DEPDC5: variants seen among roughly 807,000 people sequenced by gnomAD.
The protein encoded by DEPDC5 is GATOR1 complex protein DEPDC5.
A neutral mutation model predicts 217.3 loss-of-function variants in DEPDC5; 73 were observed. The observed-to-expected ratio is 0.34, with a 90% CI of 0.28 to 0.41. The LOEUF (loss-of-function observed/expected upper bound fraction) is 0.41, where lower values mean the gene tolerates loss of function less well. Among genes scored for constraint, DEPDC5 ranks in the 10% least tolerant of loss-of-function variants. The probability of loss-of-function intolerance (pLI) is 1.00; values close to 1 mark genes in which losing one functional copy is unlikely to be tolerated. For synonymous variants in DEPDC5, 733 were observed against 756.7 expected (o/e 0.97, Z 0.51); for missense variants, 1,675 against 2,070.1 (o/e 0.81, Z 3.70).
At chr22:31,850,719 C>T (rs2149066725) in intron 31 of DEPDC5, among the ~76,000 whole-genome samples, 1 of 152,196 alleles carries the variant, frequency 6.6e-6, no homozygotes, top group Admixed American at 6.5e-5. Context: ...CGAGACCAGC[C>T]TGGGCAACAT....
At chr22:31,872,620 A>C (rs1170017200) in intron 34 of DEPDC5, among the ~76,000 whole-genome samples, 1 of 152,338 alleles carries the variant, frequency 6.6e-6, no homozygotes, top group East Asian at 1.9e-4. Flanking sequence ...AGAGCAGTCC[A>C]GGGGGTTTCT....
Position 31,845,032 on chromosome 22 carries a change from T to C in DEPDC5, c.2816T>C (p.Leu939Pro), listed in dbSNP as rs1312159135. Residue 939 changes from leucine (L) to proline (P), a missense_variant, in exon 30 of 43, where the codon CTG (leucine) becomes CCG (proline). Coordinates refer to ENST00000651528, the MANE Select transcript of DEPDC5 (RefSeq NM_001242896.3). ...GSEDFSLIES[L>P]KFWRTRFLLL... ...TGCCCCCTTAGCTTAATTGAGTCCC[T>C]GAAGTTCTGGAGGACCCGCTTCCTG... 1 of 1,614,172 alleles carries C rather than the reference T, an allele frequency of 6.2e-7. No individual in the cohort carries two copies. Among genetic ancestry groups the C allele is most frequent in the Admixed American group, 1.7e-5 (1 of 60,024 alleles).
At chr22:31,861,315 T>C in intron 32 of DEPDC5, 53 bp from the exon 33 acceptor site, 1 of 1,531,464 alleles carries the variant, frequency 6.5e-7, no homozygotes, top group Non-Finnish European at 8.9e-7. Flanking sequence ...ACACATTCCG[T>C]TTCTTCGCTT....
chr22:31,774,166 A>G (rs1474962739), intron 7 of DEPDC5, among the ~76,000 whole-genome samples: 1 of 152,054 alleles, frequency 6.6e-6, no homozygotes, highest in Non-Finnish European at 1.5e-5. Context: ...TTTAAAAAAT[A>G]ATGACCTTAA....
At chr22:31,758,908 T>G (rs2082148909) in intron 3 of DEPDC5, among the ~76,000 whole-genome samples, 1 of 143,626 alleles carries the variant, frequency 7.0e-6, no homozygotes, top group Non-Finnish European at 1.5e-5. Flanking sequence ...CATTCCTTCG[T>G]TTTTTTTTTT....
intron 38 of DEPDC5, among the ~76,000 whole-genome samples, chr22:31,890,160 T>C (rs2093409844): frequency 6.6e-6 from 1 of 152,184 alleles, no homozygotes; most frequent in Non-Finnish European, 1.5e-5. Flanking sequence ...CCTGTCTCTA[T>C]GAACCATCTG....
chr22:31,780,973 T>C (rs1162644720), intron 8 of DEPDC5, among the ~76,000 whole-genome samples: 2 of 152,080 alleles, frequency 1.3e-5, no homozygotes, highest in Admixed American at 1.3e-4. Context: ...ATCCCAGCAC[T>C]TGGGAGGCCG....
rs2093553972 is a variant in DEPDC5, at chr22:31,896,428, T to C, written c.4204-1054T>C. Among the ~76,000 whole-genome samples, 6 of 152,182 alleles carry C rather than the reference T, an allele frequency of 3.9e-5. No homozygotes were observed. The South Asian group carries it at 1.2e-3, about 31-fold the overall frequency. On this transcript the variant is annotated intron_variant, in intron 39 of 42. Coordinates refer to ENST00000651528, the MANE Select transcript of DEPDC5 (RefSeq NM_001242896.3). ...TGGTACCCTTTAATTTTTTACATAA[T>C]CATTTGTTTAAGTCAAGCTGTGTCC...
In DEPDC5 at chr22:31,815,679, T is replaced by A. The variant is rs549137365; in HGVS notation, c.1666+467T>A. 1.0e-4 allele frequency: 61 copies of A among 600,568 alleles called. No homozygotes were observed. The South Asian group carries it at 1.6e-3, about 15-fold the overall frequency. 37.2% of individuals were successfully genotyped at this position (600,568 alleles called of 1,614,324 possible). A position where few individuals can be genotyped will look rare whatever the true frequency, so the allele number is the denominator to read the frequency against. Reference sequence around the variant, plus strand: ...CTCCCAAGTAACTGGGACTATAGCATGCCACCACACCCAGCTGATTATCAT... The same window carrying A: ...CTCCCAAGTAACTGGGACTATAGCAAGCCACCACACCCAGCTGATTATCAT... On this transcript the variant is annotated intron_variant, in intron 21 of 42. Transcript: ENST00000651528.
At chr22:31,871,875 G>A (rs989928109) in intron 34 of DEPDC5, among the ~76,000 whole-genome samples, 1 of 152,250 alleles carries the variant, frequency 6.6e-6, no homozygotes, top group Admixed American at 6.5e-5. Flanking sequence ...GCTGCACTTA[G>A]AGGTGCCAAG....
chr22:31,896,392 A>T (rs957417658), intron 39 of DEPDC5, among the ~76,000 whole-genome samples: 1 of 152,200 alleles, frequency 6.6e-6, no homozygotes, highest in African/African-American at 2.4e-5. Context: ...CCGTGAGAGA[A>T]AAGATAAGGG....
At chr22:31,841,940 T>G (rs1024900993) in intron 27 of DEPDC5, among the ~76,000 whole-genome samples, 14 of 152,228 alleles carry the variant, frequency 9.2e-5, no homozygotes, top group Non-Finnish European at 1.9e-4. Flanking sequence ...TTGGCTTGGC[T>G]TGGTTGTTCT....
intron 29 of DEPDC5, 69 bp downstream of exon 29, chr22:31,843,881 C>G (rs2091550383): frequency 7.1e-7 from 1 of 1,414,122 alleles, no homozygotes; most frequent in East Asian, 2.4e-5. Flanking sequence ...TATTTTAACA[C>G]TTTCTGCCCT....
At chr22:31,873,493 G>A (rs1569167395) in intron 35 of DEPDC5, among the ~76,000 whole-genome samples, 161 bp downstream of exon 35, 1 of 151,656 alleles carries the variant, frequency 6.6e-6, no homozygotes, top group Non-Finnish European at 1.5e-5. Flanking sequence ...CTGTTTCCTT[G>A]TTTGTAAGAT....
intron 39 of DEPDC5, 42 bp downstream of exon 39, chr22:31,893,793 C>A: frequency 6.6e-7 from 1 of 1,507,294 alleles, no homozygotes; most frequent in Non-Finnish European, 8.9e-7. Context: ...TGGCTCACCT[C>A]ACAGTGGGCA....
intron 30 of DEPDC5, 24 bp downstream of exon 30, chr22:31,845,261 A>T: frequency 6.2e-7 from 1 of 1,602,744 alleles, no homozygotes; most frequent in Non-Finnish European, 8.5e-7. Flanking sequence ...AGACTCAGGG[A>T]GTGCGCCTGG....
rs970970127 is a variant in DEPDC5 at position 31,879,121 on chromosome 22, T to C, written c.3806-404T>C. 4.4e-4 allele frequency among the ~76,000 whole-genome samples: 42 copies of C among 95,738 alleles called. No homozygotes were observed. The South Asian group carries it at 0.01, about 24-fold the overall frequency. The allele number at this position is 95,738 out of a possible 152,430, so 62.8% of individuals were successfully genotyped here. On this transcript the variant is annotated intron_variant, in intron 37 of 42. Transcript: ENST00000651528. ...ACATATATATACATATATATACACA[T>C]ATATATATACATATATATTTTTAAT...
chr22:31,768,902 C>A (rs1448817161), intron 7 of DEPDC5, 39 bp downstream of exon 7: 1 of 1,610,080 alleles, frequency 6.2e-7, no homozygotes, highest in East Asian at 2.2e-5. Context: ...TGTGCAGTAA[C>A]TGGGCTACAT....
rs748528625 is a variant in DEPDC5 at position 31,843,814 on chromosome 22, T to G, written c.2801+2T>G. 5.0e-6 allele frequency: 8 copies of G among 1,590,636 alleles called. No homozygotes were observed. Among genetic ancestry groups the G allele is most frequent in the Non-Finnish European group, 6.9e-6 (8 of 1,160,738 alleles). On this transcript the variant is annotated splice_donor_variant, in intron 29 of 42. Transcript: ENST00000651528. LOFTEE classifies it high-confidence loss of function. ...TTCTGCCGGCTCTGAAGACTTCAGG[T>G]CAGAGAGTGGGCTTTGGATTTCCAT...
Sources: allele counts gnomAD v4.1 joint callset (sites outside exome capture counted in the v4.1 genomes callset), GRCh38; gene constraint gnomAD v4.1.1; transcripts MANE v1.5; gene names NCBI Gene and HGNC (gene_info 2026-07-23, HGNC 2026-07-21).